Variants in FCHO2 observed in about 807,000 individuals in gnomAD.
The protein encoded by FCHO2 is F-BAR domain only protein 2.
In FCHO2, 43 loss-of-function variants were observed where a neutral mutation model predicts 114.1. The ratio of observed to expected loss-of-function variants is 0.38; its 90% confidence interval spans 0.30 to 0.49. The LOEUF (loss-of-function observed/expected upper bound fraction) is 0.49. Ranked by LOEUF, FCHO2 falls within the 20% of genes least tolerant of loss-of-function variation. FCHO2 has a pLI of 0.97. For synonymous variants in FCHO2, 293 were observed against 315.2 expected (o/e 0.93, Z 0.75); for missense variants, 807 against 950.4 (o/e 0.85, Z 1.98).
intron 13 of FCHO2, 38 bp from the exon 14 acceptor site, chr5:73,054,122 T>G: frequency 7.0e-7 from 1 of 1,436,872 alleles, no homozygotes; most frequent in Non-Finnish European, 9.4e-7. Context: ...GTATTCAGAA[T>G]TCTAACCTAA....
intron 1 of FCHO2, among the ~76,000 whole-genome samples, chr5:72,958,961 A>G (rs1751707115): frequency 6.6e-6 from 1 of 152,136 alleles, no homozygotes. Context: ...ATATCTTTCT[A>G]CACATTTTTA....
chr5:72,997,400 G>C (rs1754179315), intron 5 of FCHO2: 9 of 1,600,328 alleles, frequency 5.6e-6, no homozygotes, highest in Non-Finnish European at 6.8e-6. Context: ...CTGCACTTTG[G>C]AGTTGGGCAG....
rs918066143 is a variant in FCHO2, at chr5:73,056,071, A to T, written c.1217A>T (p.Glu406Val). 2.0e-6 allele frequency: 3 copies of T among 1,516,262 alleles called. No homozygotes were observed. In the African/African-American group the frequency reaches 4.2e-5, roughly 21 times the overall value. The allele number at this position is 1,516,262 out of a possible 1,614,324, so 93.9% of individuals were successfully genotyped here. A position where few individuals can be genotyped will look rare whatever the true frequency, so the allele number is the denominator to read the frequency against. Residue 406 changes from glutamate (E) to valine (V), a missense_variant, in exon 16 of 26, where the codon GAG becomes GTG. Transcript: ENST00000430046. ...VQMNRNLSNE[E>V]LTKSKPSAPP... ...ATTTTAATTTTTTAATTAGATGAGG[A>T]GTTAACAAAATCAAAGCCATCTGCT...
chr5:72,979,045 A>C (rs996007629), intron 2 of FCHO2, among the ~76,000 whole-genome samples: 5 of 152,128 alleles, frequency 3.3e-5, no homozygotes, highest in African/African-American at 1.2e-4. Flanking sequence ...ACTGATGTTC[A>C]TCAGAGATAT....
At chr5:72,970,974 GT>G (rs1287466674) in intron 2 of FCHO2, among the ~76,000 whole-genome samples, 3 of 152,206 alleles carry the variant, frequency 2.0e-5, no homozygotes, top group Middle Eastern at 3.4e-3. Flanking sequence ...TCTTGTGATA[GT>G]TTACTGAGAA....
intron 8 of FCHO2, among the ~76,000 whole-genome samples, chr5:73,020,344 C>T (rs2112755445): frequency 6.6e-6 from 1 of 152,288 alleles, no homozygotes. Flanking sequence ...GGGCTACAGT[C>T]TACATCTGGT....
At chr5:73,000,471 T>TAAAA (rs759939269) in intron 5 of FCHO2, among the ~76,000 whole-genome samples, 1 of 74,404 alleles carries the variant, frequency 1.3e-5, no homozygotes. Context: ...AACTCAGTCT[T>TAAAA]AAAAAAAAAA....
chr5:73,071,435 T>C (rs1172279648), intron 19 of FCHO2, among the ~76,000 whole-genome samples: 2 of 152,186 alleles, frequency 1.3e-5, no homozygotes, highest in East Asian at 3.9e-4. Flanking sequence ...TGGGTGTCTG[T>C]GTTTTATTTC....
chr5:72,979,378 C>CTTTTTTTTTTTTTTTTTTT, intron 2 of FCHO2, among the ~76,000 whole-genome samples: 1 of 49,770 alleles, frequency 2.0e-5, no homozygotes, highest in Non-Finnish European at 3.4e-5. Context: ...TTATCAATTT[C>CTTTTTTTTTTTTTTTTTTT]TTTTTTTTTT....
chr5:72,999,254 T>C (rs1160827683), intron 5 of FCHO2, among the ~76,000 whole-genome samples: 1 of 152,078 alleles, frequency 6.6e-6, no homozygotes, highest in Non-Finnish European at 1.5e-5. Flanking sequence ...AAGGTTTTTA[T>C]TAACAAGAAT....
chr5:73,021,677 C>T (rs1194298362), intron 8 of FCHO2, among the ~76,000 whole-genome samples: 1 of 152,082 alleles, frequency 6.6e-6, no homozygotes, highest in Non-Finnish European at 1.5e-5. Flanking sequence ...TGCTGTCTAC[C>T]ATTAAATCTT....
intron 1 of FCHO2, among the ~76,000 whole-genome samples, chr5:72,964,683 T>C (rs1232121677): frequency 1.3e-5 from 2 of 152,184 alleles, no homozygotes; most frequent in African/African-American, 4.8e-5. Flanking sequence ...CTACCGCGCC[T>C]GAGCATTCTA....
chr5:73,048,642 T>C (rs1454296795), intron 11 of FCHO2, among the ~76,000 whole-genome samples: 4 of 152,108 alleles, frequency 2.6e-5, no homozygotes. Flanking sequence ...ATGAATAACC[T>C]TGTGCATATA....
intron 2 of FCHO2, among the ~76,000 whole-genome samples, chr5:72,979,027 A>T (rs1037427312): frequency 5.9e-5 from 9 of 151,838 alleles, no homozygotes; most frequent in African/African-American, 2.2e-4. Flanking sequence ...TTTATTGAGG[A>T]TTTTCGCACT....
At chr5:73,069,628 G>C (rs76242922) in intron 19 of FCHO2, among the ~76,000 whole-genome samples, 1 of 151,914 alleles carries the variant, frequency 6.6e-6, no homozygotes, top group Non-Finnish European at 1.5e-5. Context: ...GGGGTGGGGG[G>C]CGGTTTACTT....
At chr5:73,037,561 C>T (rs1262275012) in intron 10 of FCHO2, among the ~76,000 whole-genome samples, 1 of 151,902 alleles carries the variant, frequency 6.6e-6, no homozygotes, top group Non-Finnish European at 1.5e-5. Flanking sequence ...GTCTTAATGC[C>T]TAAGAGAAAA....
Position 73,081,847 on chromosome 5 carries a change from G to C in FCHO2, c.2045G>C (p.Ser682Thr). 6.2e-7 allele frequency: 1 copy of C among 1,611,138 alleles called. No homozygotes were observed. Among genetic ancestry groups the C allele is most frequent in the Non-Finnish European group, 8.5e-7 (1 of 1,178,370 alleles). The stretch of plus-strand genomic sequence containing the variant: ...GCAACATACTGGAAATGTAGTGCTA[G>C]CACCACAGATCTTAGAGTGGATTAT... ...NLATYWKCSASTTDLRVDYKY... is the reference protein window; with the variant it reads ...NLATYWKCSATTTDLRVDYKY... Residue 682 changes from serine to threonine, a missense_variant, in exon 23 of 26, where the codon AGC becomes ACC. By Grantham distance (58) the Ser-to-Thr change is moderately conservative. Coordinates refer to ENST00000430046, the MANE Select transcript of FCHO2 (RefSeq NM_138782.3).
At chr5:72,970,757 AG>A (rs1476669812) in intron 2 of FCHO2, among the ~76,000 whole-genome samples, 2 of 151,790 alleles carry the variant, frequency 1.3e-5, no homozygotes, top group Non-Finnish European at 2.9e-5. Context: ...TGTGCAGGTT[AG>A]TTACATATGT....
chr5:72,966,571 A>G (rs1752215690), intron 1 of FCHO2, among the ~76,000 whole-genome samples: 1 of 152,234 alleles, frequency 6.6e-6, no homozygotes, highest in African/African-American at 2.4e-5. Context: ...TCAAAATGCT[A>G]AGGATATTGT....
Sources: allele counts gnomAD v4.1 joint callset (sites outside exome capture counted in the v4.1 genomes callset), GRCh38; gene constraint gnomAD v4.1.1; transcripts MANE v1.5; gene names NCBI Gene and HGNC (gene_info 2026-07-23, HGNC 2026-07-21).